NCAPG2: variants seen among roughly 807,000 people sequenced by gnomAD.
The protein encoded by NCAPG2 is non-SMC condensin II complex subunit G2.
Under a neutral mutation model 141.1 loss-of-function variants are expected in NCAPG2, and 53 were observed. The ratio of observed to expected loss-of-function variants is 0.38; its 90% CI spans 0.30 to 0.47. NCAPG2 has a LOEUF of 0.47. Ranked by LOEUF, NCAPG2 falls within the 20% of genes least tolerant of loss-of-function variation. The pLI is 0.99. For synonymous variants in NCAPG2, 499 were observed against 490.7 expected (o/e 1.02, Z -0.22); for missense variants, 1,087 against 1,389.0 (o/e 0.78, Z 3.46).
chr7:158,658,329 A>G lies in NCAPG2; in HGVS notation c.2060+9T>C. On this transcript the variant is annotated intron_variant, in intron 17 of 27. Transcript: ENST00000356309. ...ACTTTTCTACCGTACCAAAAAACAGAGCAAATACCTGAATGGGGGGACAGC... is the reference window on the plus strand; with the variant it reads ...ACTTTTCTACCGTACCAAAAAACAGGGCAAATACCTGAATGGGGGGACAGC... 6.2e-7 allele frequency: 1 copy of G among 1,604,870 alleles called. No homozygotes were observed. The highest frequency in any genetic ancestry group is 2.2e-5 in the East Asian group (1 of 44,784).
At chr7:158,641,224 T>C (rs12670677) in intron 27 of NCAPG2, 40,038 of 329,142 alleles carry the variant, frequency 0.12, 3,622 homozygotes, top group East Asian at 0.41. Flanking sequence ...AAGACAGAAA[T>C]AGGAACAAAT....
intron 22 of NCAPG2, among the ~76,000 whole-genome samples, 162 bp from the exon 23 acceptor site, chr7:158,652,642 C>T (rs1831571140): frequency 6.6e-6 from 1 of 152,152 alleles, no homozygotes; most frequent in Non-Finnish European, 1.5e-5. Flanking sequence ...ATCAGGTTAA[C>T]CTAAATTCTA....
At chr7:158,670,217 T>C (rs547892193) in intron 13 of NCAPG2, among the ~76,000 whole-genome samples, 1 of 152,294 alleles carries the variant, frequency 6.6e-6, no homozygotes, top group South Asian at 2.1e-4. Context: ...ATAAAAAAAT[T>C]CACAGATCAA....
chr7:158,634,227 A>G (rs2129455513), intron 27 of NCAPG2, among the ~76,000 whole-genome samples: 1 of 152,206 alleles, frequency 6.6e-6, no homozygotes, highest in African/African-American at 2.4e-5. Context: ...TAGTGTTTGC[A>G]TATAGTCTAC....
At chr7:158,639,139 ACT>A (rs1359385815) in intron 27 of NCAPG2, among the ~76,000 whole-genome samples, 2 of 151,412 alleles carry the variant, frequency 1.3e-5, no homozygotes, top group South Asian at 2.1e-4. Context: ...ACAGGGTCTC[ACT>A]CTGTCACCCA....
At position 158,695,078 on chromosome 7, in the gene NCAPG2, T is replaced by C. The variant is rs146029072; in HGVS notation, c.79-1581A>G. On this transcript the variant is annotated intron_variant, in intron 2 of 27. Transcript: ENST00000356309. ...TTAATGGCCCGCTTAAGTCCATTAA[T>C]GGTAATTTTCCAGTATATCAATGGA... 1.6e-4 allele frequency among the ~76,000 whole-genome samples: 24 copies of C among 152,314 alleles called. 1 individual carries two copies. Among genetic ancestry groups the C allele is most frequent in the African/African-American group, 5.3e-4 (22 of 41,574 alleles).
At chr7:158,685,734 C>T (rs1343467789) in intron 8 of NCAPG2, among the ~76,000 whole-genome samples, 1 of 152,188 alleles carries the variant, frequency 6.6e-6, no homozygotes, top group East Asian at 1.9e-4. Flanking sequence ...TCCATGGATG[C>T]GAAACCCACA....
chr7:158,672,408 T>C (rs1314564054), intron 12 of NCAPG2, among the ~76,000 whole-genome samples: 2 of 137,868 alleles, frequency 1.5e-5, no homozygotes, highest in Non-Finnish European at 3.1e-5. Flanking sequence ...AGGGGCACAA[T>C]CTTGGTTCAC....
rs1831355225 is a variant in NCAPG2 at position 158,649,941 on chromosome 7, A to C, written c.3075+891T>G. 2.6e-5 allele frequency among the ~76,000 whole-genome samples: 4 copies of C among 152,362 alleles called. No homozygotes were observed. The South Asian group carries it at 6.2e-4, about 24-fold the overall frequency. On this transcript the variant is annotated intron_variant, in intron 24 of 27. Transcript: ENST00000356309. ...TCCTGATTATAACATCCTTTAACCA[A>C]ATAGACTAATAACTTCTGTATTAAT...
intron 6 of NCAPG2, among the ~76,000 whole-genome samples, chr7:158,689,320 G>T (rs1834982037): frequency 6.6e-6 from 1 of 151,786 alleles, no homozygotes; most frequent in Admixed American, 6.6e-5. Context: ...TATACTTATG[G>T]CTAATCTCAG....
Position 158,633,783 on chromosome 7 carries a change from C to T in NCAPG2, c.3381-2066G>A, listed in dbSNP as rs1830025116. On this transcript the variant is annotated intron_variant, in intron 27 of 27. Transcript: ENST00000356309. The surrounding 1 kb of genome is among the most constrained non-coding windows in gnomAD (Gnocchi z 4.1). ...TTTTTTTTTTTGAGACAGGGTCACG[C>T]TCTGTCACCCAGGCTGAAGTGCAGC... is the stretch of plus-strand genomic sequence containing the variant. Among the ~76,000 whole-genome samples the T allele has an allele frequency of 6.6e-6, 1 of 152,092 alleles. No homozygotes were observed. The highest frequency in any genetic ancestry group is 2.4e-5 in the African/African-American group (1 of 41,410).
At chr7:158,677,664 C>A (rs1834175874) in intron 11 of NCAPG2, among the ~76,000 whole-genome samples, 1 of 151,770 alleles carries the variant, frequency 6.6e-6, no homozygotes, top group Non-Finnish European at 1.5e-5. Context: ...AAAATATATT[C>A]CAGACAATCA....
chr7:158,672,292 G>GTGTGTATATATATATATATATA (rs1294151630), intron 12 of NCAPG2, among the ~76,000 whole-genome samples: 1 of 27,228 alleles, frequency 3.7e-5, no homozygotes, highest in African/African-American at 1.5e-4. Context: ...GTGTGTGTGT[G>GTGTGTATATATATATATATATA]TATATATATA....
intron 9 of NCAPG2, among the ~76,000 whole-genome samples, chr7:158,682,288 T>C (rs1224610189): frequency 2.6e-5 from 4 of 151,458 alleles, no homozygotes; most frequent in Non-Finnish European, 5.9e-5. Context: ...AACTCATCTA[T>C]GTGAAATAAA....
chr7:158,650,952 C>G lies in NCAPG2; in HGVS notation c.2955G>C (p.Arg985Ser). The part of the protein sequence containing the change: ...EGLRLLYSVQ[R>S]PLHEFITAVQ... ...CAGCAGTAATGAACTCATGAAGAGG[C>G]CTCTGAACAGAATAAAGCAGCTACA... The change falls in exon 24 of 28, where the codon AGG (arginine) becomes AGC (serine). Residue 985 changes from arginine (R) to serine (S), a missense_variant. Coordinates refer to ENST00000356309, the MANE Select transcript of NCAPG2 (RefSeq NM_017760.7). The G allele has an allele frequency of 6.2e-7, 1 of 1,607,344 alleles. No homozygotes were observed. The highest frequency in any genetic ancestry group is 8.5e-7 in the Non-Finnish European group (1 of 1,178,090).
chr7:158,684,905 G>A (rs1834663209), intron 8 of NCAPG2, among the ~76,000 whole-genome samples: 1 of 152,178 alleles, frequency 6.6e-6, no homozygotes, highest in African/African-American at 2.4e-5. Flanking sequence ...CAAATCAAGT[G>A]TAAGTTGTGC....
At chr7:158,650,100 C>T (rs1286447924) in intron 24 of NCAPG2, among the ~76,000 whole-genome samples, 1 of 152,186 alleles carries the variant, frequency 6.6e-6, no homozygotes, top group Non-Finnish European at 1.5e-5. Context: ...GTTGCCCAGG[C>T]TGGAGTCCAA....
chr7:158,631,675 CA>C lies in NCAPG2; in HGVS notation c.3422del (p.Leu1141Ter). The C allele has an allele frequency of 6.3e-7, 1 of 1,596,934 alleles. No homozygotes were observed. The highest frequency in any genetic ancestry group is 8.6e-7 in the Non-Finnish European group (1 of 1,164,946). ...GGAGATGTTGGCTTGGTTATGAATT[CA>C]AAAGTTCTCCCAGAGTTCTTGATGA... Reference protein sequence around the residue: ...ESSSRTLGELLNS With the variant: ...ESSSRTLGELXNS On this transcript the variant is annotated frameshift_variant, in exon 28 of 28. Coordinates refer to ENST00000356309, the MANE Select transcript of NCAPG2 (RefSeq NM_017760.7). LOFTEE classifies it high-confidence loss of function.
chr7:158,632,405 G>A (rs1423430420), intron 27 of NCAPG2, among the ~76,000 whole-genome samples: 1 of 152,170 alleles, frequency 6.6e-6, no homozygotes, highest in Non-Finnish European at 1.5e-5. Context: ...GGCTCACCAT[G>A]GCTTCCCTTT....
Sources: allele counts gnomAD v4.1 joint callset (sites outside exome capture counted in the v4.1 genomes callset), GRCh38; gene constraint gnomAD v4.1.1; non-coding constraint Gnocchi (gnomAD v3.1); transcripts MANE v1.5; gene names NCBI Gene and HGNC (gene_info 2026-07-23, HGNC 2026-07-21).